The following SUPT3H variants were observed in gnomAD, a reference collection of about 807,000 sequenced individuals.
The protein encoded by SUPT3H is transcription initiation protein SPT3 homolog.
Under a neutral mutation model 44.3 loss-of-function variants are expected in SUPT3H, and 44 were observed. The ratio of observed to expected loss-of-function variants is 0.99; its 90% CI spans 0.78 to 1.28. The LOEUF is 1.28. Ranked by LOEUF, SUPT3H falls within the 50% of genes most tolerant of loss-of-function variation. SUPT3H has a pLI of 0.00. For missense variants in SUPT3H, 380 were observed against 387.1 expected, an observed-to-expected ratio of 0.98 and a Z score of 0.15; for synonymous variants, 124 against 125.6, an observed-to-expected ratio of 0.99 and a Z score of 0.09.
chr6:45,121,762 G>A (rs1028930796), intron 2 of SUPT3H, among the ~76,000 whole-genome samples: 1 of 151,832 alleles, frequency 6.6e-6, no homozygotes, highest in African/African-American at 2.4e-5. Flanking sequence ...TGCAATCTCC[G>A]CCTCCCAGCT....
rs143263015 is a variant in SUPT3H at position 45,102,918 on chromosome 6, G to A, written c.186+3004C>T. Reference sequence around the variant, plus strand: ...CATGCCTCTGCACTCCAACCTGGACGACAGAGTGAGACTCCGTCTCAAAAA... The same window carrying A: ...CATGCCTCTGCACTCCAACCTGGACAACAGAGTGAGACTCCGTCTCAAAAA... On this transcript the variant is annotated intron_variant, in intron 3 of 10. Coordinates refer to ENST00000371459, the MANE Select transcript of SUPT3H (RefSeq NM_003599.4). Among the ~76,000 whole-genome samples, 384 of 150,138 alleles carry A rather than the reference G, an allele frequency of 2.6e-3. 2 individuals carry two copies. The highest frequency in any genetic ancestry group is 8.6e-3 in the African/African-American group (351 of 40,814).
intron 2 of SUPT3H, among the ~76,000 whole-genome samples, chr6:45,111,746 G>A (rs1215582290): frequency 6.6e-6 from 1 of 152,068 alleles, no homozygotes; most frequent in Non-Finnish European, 1.5e-5. Context: ...GTTCATGAGA[G>A]TCAGTGGATG....
intron 2 of SUPT3H, among the ~76,000 whole-genome samples, chr6:45,228,196 G>T (rs547201622): frequency 6.6e-6 from 1 of 152,188 alleles, no homozygotes; most frequent in African/African-American, 2.4e-5. Flanking sequence ...GACTTAAATG[G>T]GCCAAAGGGC....
chr6:45,023,061 A>AG (rs1785403672), intron 3 of SUPT3H, among the ~76,000 whole-genome samples: 1 of 152,146 alleles, frequency 6.6e-6, no homozygotes, highest in African/African-American at 2.4e-5. Flanking sequence ...AGTTTTCTTT[A>AG]ACAATACAAA....
At chr6:44,861,615 G>A (rs1055083049) in intron 10 of SUPT3H, among the ~76,000 whole-genome samples, 3 of 151,972 alleles carry the variant, frequency 2.0e-5, no homozygotes, top group Non-Finnish European at 4.4e-5. Flanking sequence ...TTCAACTCCC[G>A]ACCTCAGGTG....
chr6:44,912,917 T>C (rs565714327), intron 10 of SUPT3H, among the ~76,000 whole-genome samples: 1 of 152,318 alleles, frequency 6.6e-6, no homozygotes, highest in South Asian at 2.1e-4. Flanking sequence ...AATATTGCAC[T>C]GATAATACAC....
At chr6:45,321,250 C>A (rs897155145) in intron 2 of SUPT3H, among the ~76,000 whole-genome samples, 4 of 152,040 alleles carry the variant, frequency 2.6e-5, no homozygotes, top group Non-Finnish European at 4.4e-5. Flanking sequence ...CATATTCACT[C>A]ATTTTTAAAA....
intron 1 of SUPT3H, among the ~76,000 whole-genome samples, chr6:45,372,276 A>G (rs1796174512): frequency 6.6e-6 from 1 of 152,214 alleles, no homozygotes; most frequent in Non-Finnish European, 1.5e-5. Flanking sequence ...TACATAAAAT[A>G]ACATACGTAA....
In SUPT3H at chr6:44,963,815, C is replaced by T. The variant is rs1231222807; in HGVS notation, c.505-1987G>A. On this transcript the variant is annotated intron_variant, in intron 6 of 10. Transcript: ENST00000371459. ...GAGATTGAGACCATCCTGGCTAACA[C>T]GGTGAAACCCCATCTCTACTAAAAA... Among the ~76,000 whole-genome samples, 7 of 151,786 alleles carry T rather than the reference C, an allele frequency of 4.6e-5. No homozygotes were observed. The East Asian group carries it at 5.8e-4, about 13-fold the overall frequency.
chr6:44,879,992 G>A lies in SUPT3H; in HGVS notation c.913-50135C>T, dbSNP rs577604454. Among the ~76,000 whole-genome samples, 19 of 152,248 alleles carry A rather than the reference G, an allele frequency of 1.2e-4. No homozygotes were observed. In the South Asian group the frequency reaches 2.5e-3, roughly 20 times the overall value. On this transcript the variant is annotated intron_variant, in intron 10 of 10. Coordinates refer to ENST00000371459, the MANE Select transcript of SUPT3H (RefSeq NM_003599.4). ...GAGAAAAAAGTAGAGCAAAAAGGCT[G>A]AAAATTCCAAAAACCAGAATGCCTC...
chr6:45,223,402 T>A (rs914918848), intron 2 of SUPT3H, among the ~76,000 whole-genome samples: 1 of 151,970 alleles, frequency 6.6e-6, no homozygotes, highest in African/African-American at 2.4e-5. Context: ...ATAACTAAAA[T>A]GAAGAAACAG....
chr6:44,954,578 A>G lies in SUPT3H; in HGVS notation c.610T>C (p.Leu204=). The change falls in exon 8 of 11, where the codon TTG becomes CTG. Residue 204 remains leucine, a synonymous_variant. Coordinates refer to ENST00000371459, the MANE Select transcript of SUPT3H (RefSeq NM_003599.4). Reference sequence around the variant, plus strand: ...TTTATCTCCATACTGCTGCAGTCCAACCAGTCTCGAAATTTGGAAGCTTTT... The same window carrying G: ...TTTATCTCCATACTGCTGCAGTCCAGCCAGTCTCGAAATTTGGAAGCTTTT... ...SKKASKFRDW[L]DCSSMEIKPN... 6.2e-7 allele frequency: 1 copy of G among 1,613,184 alleles called. No individual in the cohort carries two copies. Among genetic ancestry groups the G allele is most frequent in the Non-Finnish European group, 8.5e-7 (1 of 1,179,824 alleles).
At chr6:44,871,093 G>C (rs1776372172) in intron 10 of SUPT3H, among the ~76,000 whole-genome samples, 1 of 150,744 alleles carries the variant, frequency 6.6e-6, no homozygotes, top group African/African-American at 2.4e-5. Context: ...CATTGCCCAG[G>C]CTTGCTTAGG....
chr6:45,361,626 C>G (rs1581904315), intron 2 of SUPT3H: 1 of 152,304 alleles, frequency 6.6e-6, no homozygotes, highest in African/African-American at 2.4e-5. Flanking sequence ...CATTCCAGTA[C>G]AGGTTATTCA....
intron 2 of SUPT3H, among the ~76,000 whole-genome samples, chr6:45,364,497 A>C (rs1205087257): frequency 6.6e-6 from 1 of 152,122 alleles, no homozygotes; most frequent in African/African-American, 2.4e-5. Context: ...CTTGCCCCCC[A>C]CCTTATACAG....
At chr6:44,987,684 C>CTTTTTTTG (rs1486854007) in intron 6 of SUPT3H, among the ~76,000 whole-genome samples, 2 of 151,552 alleles carry the variant, frequency 1.3e-5, no homozygotes, top group African/African-American at 4.9e-5. Context: ...TAGTTGAAAG[C>CTTTTTTTG]TTTTTTTGTT....
intron 5 of SUPT3H, among the ~76,000 whole-genome samples, chr6:45,005,252 A>T (rs1333550049): frequency 6.6e-6 from 1 of 152,078 alleles, no homozygotes; most frequent in African/African-American, 2.4e-5. Context: ...ATGTTTTCCC[A>T]TATGTTTGTT....
At chr6:44,817,108 TCA>T (rs35760659) in intron 11 of SUPT3H, among the ~76,000 whole-genome samples, 29 of 150,050 alleles carry the variant, frequency 1.9e-4, no homozygotes, top group East Asian at 5.8e-4. Flanking sequence ...ACATACATAT[TCA>T]CACACACACA....
intron 10 of SUPT3H, among the ~76,000 whole-genome samples, chr6:44,878,073 C>T (rs553491207): frequency 6.6e-6 from 1 of 152,306 alleles, no homozygotes; most frequent in South Asian, 2.1e-4. Flanking sequence ...GGACAGAATG[C>T]TAACATGGGC....
Sources: gnomAD v4.1 joint callset for allele counts (sites outside exome capture counted in the v4.1 genomes callset) on GRCh38, gnomAD v4.1.1 for gene constraint, MANE v1.5 for transcripts, NCBI Gene and HGNC (gene_info 2026-07-23, HGNC 2026-07-21) for gene names.